ARHGAP6: variants seen among roughly 807,000 people sequenced by gnomAD.
The protein encoded by ARHGAP6 is Rho GTPase activating protein 6, also known as rho GTPase-activating protein 6.
A neutral mutation model predicts 55.7 loss-of-function variants in ARHGAP6; 16 were observed. That is an observed-to-expected ratio of 0.29 (90% CI 0.19 to 0.44). The LOEUF is 0.44. Ranked by LOEUF, ARHGAP6 falls within the 20% of genes least tolerant of loss-of-function variation. ARHGAP6 has a pLI of 1.00. For missense variants in ARHGAP6, 698 were observed against 808.9 expected, an observed-to-expected ratio of 0.86 and a Z score of 1.66; for synonymous variants, 382 against 360.9, an observed-to-expected ratio of 1.06 and a Z score of -0.66.
At position 11,138,842 on chromosome X, in the gene ARHGAP6, G is replaced by A. The variant is rs1464450585; in HGVS notation, c.*21C>T. 1.9e-5 allele frequency: 22 copies of A among 1,165,620 alleles called. No individual in the cohort carries two copies. Among genetic ancestry groups the A allele is most frequent in the Non-Finnish European group, 2.4e-5 (21 of 878,996 alleles). ...GGAGGGCGGGGGGCTCGGGGCAGGGGGGGCTCGGCTGGGTGCGGGCTCAGA... is the reference window on the plus strand; with the variant it reads ...GGAGGGCGGGGGGCTCGGGGCAGGGAGGGCTCGGCTGGGTGCGGGCTCAGA... On this transcript the variant is annotated 3_prime_UTR_variant, in exon 13 of 13. Coordinates refer to ENST00000337414, the MANE Select transcript of ARHGAP6 (RefSeq NM_013427.3).
chrX:11,451,488 T>C (rs1254674768), intron 1 of ARHGAP6, among the ~76,000 whole-genome samples: 1 of 112,270 alleles, frequency 8.9e-6, no homozygotes, highest in Non-Finnish European at 1.9e-5. Flanking sequence ...TAGTTACAAC[T>C]GATGATAAAT....
chrX:11,633,643 G>A (rs1481094078), intron 1 of ARHGAP6, among the ~76,000 whole-genome samples: 1 of 112,217 alleles, frequency 8.9e-6, no homozygotes, highest in African/African-American at 3.2e-5. Context: ...AGTGGAAGGC[G>A]TCTGGACAGA....
At chrX:11,618,080 G>C (rs1161123015) in intron 1 of ARHGAP6, among the ~76,000 whole-genome samples, 6 of 111,752 alleles carry the variant, frequency 5.4e-5, no homozygotes, top group Non-Finnish European at 1.1e-4. Context: ...AGAGAAAATA[G>C]AAGAAGTTAT....
intron 1 of ARHGAP6, among the ~76,000 whole-genome samples, chrX:11,599,275 G>A (rs937482989): frequency 9.0e-6 from 1 of 111,125 alleles, no homozygotes; most frequent in African/African-American, 3.3e-5. Context: ...ATACCTAGAA[G>A]TGGAATCTCT....
chrX:11,197,332 C>A (rs780204245), intron 2 of ARHGAP6, among the ~76,000 whole-genome samples: 7 of 112,069 alleles, frequency 6.2e-5, no homozygotes, highest in Non-Finnish European at 1.1e-4. Flanking sequence ...ACTTAATGTT[C>A]ATCTTGAACC....
chrX:11,162,333 G>GCCCC (rs143136866), intron 9 of ARHGAP6, among the ~76,000 whole-genome samples: 4 of 78,171 alleles, frequency 5.1e-5, no homozygotes, highest in Admixed American at 1.6e-4. Flanking sequence ...CTGAAACTGT[G>GCCCC]CCCCCCCCCC....
chrX:11,511,772 A>T (rs1222296150), intron 1 of ARHGAP6, among the ~76,000 whole-genome samples: 1 of 111,405 alleles, frequency 9.0e-6, no homozygotes, highest in East Asian at 2.8e-4. Flanking sequence ...GACCTGGGGA[A>T]GTCAGAGCCC....
intron 1 of ARHGAP6, among the ~76,000 whole-genome samples, chrX:11,361,430 C>T (rs1435130722): frequency 9.0e-6 from 1 of 111,264 alleles, no homozygotes; most frequent in East Asian, 2.8e-4. Context: ...ATAAATGGTG[C>T]TGGGAAAACT....
chrX:11,399,722 T>G (rs1485786673), intron 1 of ARHGAP6, among the ~76,000 whole-genome samples: 1 of 112,131 alleles, frequency 8.9e-6, no homozygotes, highest in Non-Finnish European at 1.9e-5. Context: ...ATTCCACTCC[T>G]AGCTATATTT....
intron 1 of ARHGAP6, among the ~76,000 whole-genome samples, chrX:11,521,333 TA>T (rs2050923774): frequency 8.9e-6 from 1 of 111,925 alleles, no homozygotes; most frequent in African/African-American, 3.2e-5. Flanking sequence ...ATTGATTTTT[TA>T]TAAGGTGTAA....
At chrX:11,656,385 T>C in intron 1 of ARHGAP6, among the ~76,000 whole-genome samples, 1 of 112,373 alleles carries the variant, frequency 8.9e-6, no homozygotes, top group East Asian at 2.8e-4. Flanking sequence ...CTATCGCTGC[T>C]CGAAATTACC....
intron 1 of ARHGAP6, among the ~76,000 whole-genome samples, chrX:11,606,516 G>T (rs113855017): frequency 6.3e-5 from 7 of 111,551 alleles, no homozygotes; most frequent in African/African-American, 2.3e-4. Flanking sequence ...TGGCAAACAG[G>T]ATCAATGAGG....
chrX:11,492,497 C>A (rs59203900), intron 1 of ARHGAP6, among the ~76,000 whole-genome samples: 1 of 111,226 alleles, frequency 9.0e-6, no homozygotes, highest in South Asian at 3.8e-4. Context: ...AAGTCCTATA[C>A]GTGCTGAGCA....
At chrX:11,325,373 T>A (rs2048485996) in intron 1 of ARHGAP6, among the ~76,000 whole-genome samples, 1 of 112,157 alleles carries the variant, frequency 8.9e-6, no homozygotes, top group Non-Finnish European at 1.9e-5. Flanking sequence ...GCATATCAAG[T>A]GGGTGCAACA....
chrX:11,563,547 CCTA>C (rs746918230), intron 1 of ARHGAP6, among the ~76,000 whole-genome samples: 162 of 111,174 alleles, frequency 1.5e-3, no homozygotes, highest in African/African-American at 5.1e-3. Flanking sequence ...TACATATCCA[CCTA>C]CTAATTAGAA....
chrX:11,169,507 T>C lies in ARHGAP6; in HGVS notation c.1807A>G (p.Met603Val), dbSNP rs779504720. The change falls in exon 9 of 13, where the codon ATG (methionine) becomes GTG (valine). Residue 603 changes from methionine to valine, a missense_variant and splice_region_variant. By Grantham distance (21) the Met-to-Val change is conservative. This residue lies in a region of ARHGAP6 where 322 missense variants were observed against 451.1 expected (regional missense o/e 0.71). Transcript: ENST00000337414. ...CCTGCCACAGAAGGGCCACCTACCA[T>C]GAACAGGGCTTCATAATTTTCAATC... ...KMIENYEALFMVPPDLQNEVL... is the reference protein window; with the variant it reads ...KMIENYEALFVVPPDLQNEVL... 8.4e-7 allele frequency: 1 copy of C among 1,187,596 alleles called. No individual in the cohort carries two copies. The highest frequency in any genetic ancestry group is 1.8e-5 in the African/African-American group (1 of 56,243).
At chrX:11,512,734 C>T (rs2050797169) in intron 1 of ARHGAP6, among the ~76,000 whole-genome samples, 1 of 111,563 alleles carries the variant, frequency 9.0e-6, no homozygotes, top group South Asian at 3.8e-4. Flanking sequence ...GGCATGACCA[C>T]CCTAGACCTG....
intron 1 of ARHGAP6, among the ~76,000 whole-genome samples, chrX:11,341,962 C>A (rs1433349863): frequency 9.5e-6 from 1 of 105,344 alleles, no homozygotes; most frequent in Non-Finnish European, 2.0e-5. Flanking sequence ...CCCCCACCCC[C>A]ACCCCCACTG....
chrX:11,149,699 G>T (rs2045747918), intron 10 of ARHGAP6, among the ~76,000 whole-genome samples: 1 of 111,993 alleles, frequency 8.9e-6, no homozygotes, highest in South Asian at 3.7e-4. Context: ...TTAATGATGA[G>T]CTTTGAAAGA....
Sources: gnomAD v4.1 joint callset for allele counts (sites outside exome capture counted in the v4.1 genomes callset) on GRCh38, gnomAD v4.1.1 for gene constraint, gnomAD v4.1.1 regional missense constraint, MANE v1.5 for transcripts, NCBI Gene and HGNC (gene_info 2026-07-23, HGNC 2026-07-21) for gene names.